CLSTN2: variants seen among roughly 807,000 people sequenced by gnomAD.
CLSTN2 encodes calsyntenin 2, also known as calsyntenin-2.
In CLSTN2, 48 loss-of-function variants were observed where a neutral mutation model predicts 101.2. The observed-to-expected ratio is 0.47, with a 90% CI of 0.38 to 0.60. The LOEUF is 0.60. Among genes scored for constraint, CLSTN2 ranks in the 20% least tolerant of loss-of-function variants. CLSTN2 has a pLI of 0.00. For missense variants in CLSTN2, 1,160 were observed against 1,238.2 expected, an observed-to-expected ratio of 0.94 and a Z score of 0.95; for synonymous variants, 481 against 463.6, an observed-to-expected ratio of 1.04 and a Z score of -0.48.
Position 140,243,056 on chromosome 3 carries a change from A to T in CLSTN2, c.232+66983A>T, listed in dbSNP as rs1242513865. Among the ~76,000 whole-genome samples the T allele has an allele frequency of 2.6e-5, 4 of 152,204 alleles. No individual in the cohort carries two copies. In the East Asian group the frequency reaches 7.7e-4, roughly 29 times the overall value. ...CCATAGCACATTTCTTCTTTCCTAAACCTTGGAAGCATATGATTACTAATT... is the reference window on the plus strand; with the variant it reads ...CCATAGCACATTTCTTCTTTCCTAATCCTTGGAAGCATATGATTACTAATT... On this transcript the variant is annotated intron_variant, in intron 2 of 16. Coordinates refer to ENST00000458420, the MANE Select transcript of CLSTN2 (RefSeq NM_022131.3).
intron 1 of CLSTN2, among the ~76,000 whole-genome samples, chr3:140,055,229 T>C (rs1378825200): frequency 1.3e-5 from 2 of 152,360 alleles, no homozygotes; most frequent in East Asian, 1.9e-4. Flanking sequence ...AACCATTTTC[T>C]TACTCTGCTT....
chr3:140,507,999 A>T (rs114007859), intron 8 of CLSTN2: 105 of 152,334 alleles, frequency 6.9e-4, no homozygotes, highest in African/African-American at 2.5e-3. Flanking sequence ...CTCACTTCAA[A>T]GCCACTACCT....
chr3:140,565,602 G>A (rs182499218), intron 16 of CLSTN2, among the ~76,000 whole-genome samples: 1 of 152,302 alleles, frequency 6.6e-6, no homozygotes, highest in Admixed American at 6.5e-5. Context: ...TGCTTAGAAT[G>A]CCTTCTGCTC....
chr3:139,988,125 C>G (rs1232031276), intron 1 of CLSTN2, among the ~76,000 whole-genome samples: 1 of 152,202 alleles, frequency 6.6e-6, no homozygotes, highest in Non-Finnish European at 1.5e-5. Context: ...GGGGCATTTG[C>G]TGAGTGCGGC....
intron 1 of CLSTN2, among the ~76,000 whole-genome samples, chr3:139,942,311 A>G (rs1935144885): frequency 6.6e-6 from 1 of 152,084 alleles, no homozygotes; most frequent in Non-Finnish European, 1.5e-5. Context: ...ACCTCCTGTC[A>G]TGCTTGGCCT....
chr3:140,532,162 C>G (rs1298513934), intron 8 of CLSTN2, among the ~76,000 whole-genome samples, 162 bp from the exon 9 acceptor site: 1 of 152,176 alleles, frequency 6.6e-6, no homozygotes, highest in Non-Finnish European at 1.5e-5. Flanking sequence ...TGATGACAAG[C>G]TTCTATAACT....
At chr3:140,136,006 G>C (rs1486531385) in intron 1 of CLSTN2, among the ~76,000 whole-genome samples, 3 of 152,188 alleles carry the variant, frequency 2.0e-5, no homozygotes, top group African/African-American at 7.2e-5. Flanking sequence ...GAAGATTTCA[G>C]ATCCAGAAAG....
At chr3:140,153,749 C>T (rs1285958053) in intron 1 of CLSTN2, among the ~76,000 whole-genome samples, 1 of 152,148 alleles carries the variant, frequency 6.6e-6, no homozygotes, top group East Asian at 1.9e-4. Flanking sequence ...GCTTGCTCCA[C>T]CTCAGGCCTT....
intron 4 of CLSTN2, 111 bp downstream of exon 4, chr3:140,404,877 C>G: frequency 1.1e-6 from 1 of 898,356 alleles, no homozygotes; most frequent in South Asian, 1.5e-5. Flanking sequence ...CCTTTCTTGC[C>G]ATGTTTGGTC....
chr3:140,333,591 C>T (rs1217753272), intron 2 of CLSTN2, among the ~76,000 whole-genome samples: 1 of 152,100 alleles, frequency 6.6e-6, no homozygotes, highest in Non-Finnish European at 1.5e-5. Context: ...GTAGAATTCT[C>T]TGCTACTACC....
chr3:140,012,851 C>G (rs1246954549), intron 1 of CLSTN2, among the ~76,000 whole-genome samples: 1 of 152,184 alleles, frequency 6.6e-6, no homozygotes, highest in Non-Finnish European at 1.5e-5. Flanking sequence ...TAGAGGGAAA[C>G]TGATGAGCCT....
intron 8 of CLSTN2, among the ~76,000 whole-genome samples, chr3:140,489,626 C>T (rs919742131): frequency 1.3e-4 from 20 of 152,216 alleles, no homozygotes; most frequent in African/African-American, 4.8e-4. Context: ...ACACCCACCA[C>T]ACCCCGGCCC....
intron 2 of CLSTN2, among the ~76,000 whole-genome samples, chr3:140,377,287 C>T (rs1293328167): frequency 1.3e-5 from 2 of 152,146 alleles, no homozygotes; most frequent in African/African-American, 2.4e-5. Context: ...ACATAATACT[C>T]AATAATGATA....
At chr3:140,477,793 G>A (rs1934019717) in intron 8 of CLSTN2, among the ~76,000 whole-genome samples, 1 of 152,210 alleles carries the variant, frequency 6.6e-6, no homozygotes, top group Non-Finnish European at 1.5e-5. Flanking sequence ...GTCGATCTCA[G>A]CAGAAACTCA....
At position 140,575,110 on chromosome 3, in the gene CLSTN2, T is replaced by G. The variant is rs1050351208; in HGVS notation, c.*8857T>G. 22 of 152,252 alleles carry G rather than the reference T, an allele frequency of 1.4e-4. No homozygotes were observed. The highest frequency in any genetic ancestry group is 4.6e-4 in the African/African-American group (19 of 41,452). The allele number at this position is 152,252 out of a possible 1,614,324, so 9.4% of individuals were successfully genotyped here. A position where few individuals can be genotyped will look rare whatever the true frequency, so the allele number is the denominator to read the frequency against. ...GTGGGATTCAGAAGAGGTCTGCTCA[T>G]GTTCACTAGCCAAACTTTAGGTGGT... On this transcript the variant is annotated 3_prime_UTR_variant, in exon 17 of 17. Coordinates refer to ENST00000458420, the MANE Select transcript of CLSTN2 (RefSeq NM_022131.3).
chr3:140,340,666 T>C (rs2087483623), intron 2 of CLSTN2, among the ~76,000 whole-genome samples: 1 of 152,238 alleles, frequency 6.6e-6, no homozygotes, highest in Admixed American at 6.5e-5. Flanking sequence ...TTCGATATAA[T>C]TAATGAGCTG....
At chr3:140,556,078 AG>A (rs1361490960) in intron 10 of CLSTN2, among the ~76,000 whole-genome samples, 3 of 152,232 alleles carry the variant, frequency 2.0e-5, no homozygotes, top group African/African-American at 7.2e-5. Context: ...GGCATGGGTC[AG>A]AAAATGGAGT....
chr3:140,310,828 G>A (rs2087160255), intron 2 of CLSTN2, among the ~76,000 whole-genome samples: 1 of 152,150 alleles, frequency 6.6e-6, no homozygotes, highest in African/African-American at 2.4e-5. Flanking sequence ...ATTATCTGCT[G>A]TCTTATATAT....
At chr3:140,115,198 A>G (rs574940034) in intron 1 of CLSTN2, among the ~76,000 whole-genome samples, 2 of 152,182 alleles carry the variant, frequency 1.3e-5, no homozygotes, top group African/African-American at 2.4e-5. Context: ...TATGGAAACT[A>G]TATCTTATTC....
Sources: allele counts gnomAD v4.1 joint callset (sites outside exome capture counted in the v4.1 genomes callset), GRCh38; gene constraint gnomAD v4.1.1; transcripts MANE v1.5; gene names NCBI Gene and HGNC (gene_info 2026-07-23, HGNC 2026-07-21).